CDC5L: variants seen among roughly 807,000 people sequenced by gnomAD.
CDC5L encodes cell division cycle 5-like protein.
A neutral mutation model predicts 104.1 loss-of-function variants in CDC5L; 18 were observed. The observed-to-expected ratio is 0.17, with a 90% CI of 0.12 to 0.26. CDC5L has a LOEUF of 0.26. Among genes scored for constraint, CDC5L ranks in the 10% least tolerant of loss-of-function variants. CDC5L has a pLI of 1.00. For synonymous variants in CDC5L, 331 were observed against 322.7 expected (o/e 1.03, Z -0.28); for missense variants, 673 against 956.9 (o/e 0.70, Z 3.91).
intron 6 of CDC5L, among the ~76,000 whole-genome samples, chr6:44,404,568 G>T (rs1432860777): frequency 6.6e-6 from 1 of 152,150 alleles, no homozygotes; most frequent in Non-Finnish European, 1.5e-5. Flanking sequence ...GAGTTGAAAT[G>T]CATGGCTCTC....
At chr6:44,390,792 A>G (rs1790553288) in intron 2 of CDC5L, among the ~76,000 whole-genome samples, 1 of 151,840 alleles carries the variant, frequency 6.6e-6, no homozygotes, top group South Asian at 2.1e-4. Flanking sequence ...AATAAATGAT[A>G]AATAATGGCT....
chr6:44,438,460 C>A (rs1404083754), intron 14 of CDC5L, among the ~76,000 whole-genome samples: 1 of 152,122 alleles, frequency 6.6e-6, no homozygotes, highest in Non-Finnish European at 1.5e-5. Flanking sequence ...GATCTGAGAC[C>A]ATTTAAATCA....
In CDC5L at chr6:44,448,667, TATC is replaced by T. The variant is rs1460424231; in HGVS notation, c.*1961_*1963del. ...CTGGGTTTTCTAGGAAAAACTTCAG[TATC>T]ATCAGTGAATAATGATAGTGTTTCT... On this transcript the variant is annotated 3_prime_UTR_variant, in exon 16 of 16. Transcript: ENST00000371477. The T allele has an allele frequency of 1.3e-5, 2 of 152,374 alleles. No individual in the cohort carries two copies. Among genetic ancestry groups the T allele is most frequent in the Middle Eastern group, 3.4e-3 (1 of 294 alleles). The allele number at this position is 152,374 out of a possible 1,614,324, so 9.4% of individuals were successfully genotyped here. A position where few individuals can be genotyped will look rare whatever the true frequency, so the allele number is the denominator to read the frequency against.
In CDC5L at chr6:44,447,182, G is replaced by T. The variant is rs1044658835; in HGVS notation, c.*471G>T. 2.0e-5 allele frequency: 3 copies of T among 152,152 alleles called. No homozygotes were observed. The highest frequency in any genetic ancestry group is 7.2e-5 in the African/African-American group (3 of 41,418). 9.4% of individuals were successfully genotyped at this position (152,152 alleles called of 1,614,324 possible). A position where few individuals can be genotyped will look rare whatever the true frequency, so the allele number is the denominator to read the frequency against. On this transcript the variant is annotated 3_prime_UTR_variant, in exon 16 of 16. Coordinates refer to ENST00000371477, the MANE Select transcript of CDC5L (RefSeq NM_001253.4). ...CAGTATCTTAAACACTTAAGAGGCA[G>T]TTCTTTGTGGCTTTGTTAGTTTCAG... is the stretch of plus-strand genomic sequence containing the variant.
chr6:44,439,735 G>A (rs982036256), intron 14 of CDC5L, among the ~76,000 whole-genome samples: 1 of 152,210 alleles, frequency 6.6e-6, no homozygotes, highest in Non-Finnish European at 1.5e-5. Context: ...CCTGACATTT[G>A]TTGACTGCTT....
intron 8 of CDC5L, among the ~76,000 whole-genome samples, chr6:44,417,579 C>T (rs1791961968): frequency 6.6e-6 from 1 of 152,042 alleles, no homozygotes; most frequent in Non-Finnish European, 1.5e-5. Context: ...AGGTTGTGAC[C>T]ATCTTTGGAA....
chr6:44,402,594 C>T (rs976012537), intron 5 of CDC5L, among the ~76,000 whole-genome samples: 2 of 152,076 alleles, frequency 1.3e-5, no homozygotes, highest in African/African-American at 4.8e-5. Context: ...CTTTTCTTAT[C>T]ACGAAATCAT....
chr6:44,419,002 A>G (rs1166039013), intron 8 of CDC5L, among the ~76,000 whole-genome samples: 1 of 151,920 alleles, frequency 6.6e-6, no homozygotes, highest in Non-Finnish European at 1.5e-5. Context: ...CTTTAGTTTA[A>G]TTAGATCCCA....
intron 8 of CDC5L, among the ~76,000 whole-genome samples, chr6:44,409,135 C>T (rs1319919616): frequency 6.6e-6 from 1 of 152,188 alleles, no homozygotes; most frequent in Non-Finnish European, 1.5e-5. Context: ...ATTTCCTCAT[C>T]TCTAATAGTC....
chr6:44,410,013 T>C (rs1019723821), intron 8 of CDC5L, among the ~76,000 whole-genome samples: 1 of 152,138 alleles, frequency 6.6e-6, no homozygotes. Flanking sequence ...TATGTATACC[T>C]TATGGAATGG....
intron 14 of CDC5L, among the ~76,000 whole-genome samples, chr6:44,440,242 C>CTT (rs770556481): frequency 1.1e-4 from 15 of 138,884 alleles, no homozygotes; most frequent in South Asian, 2.3e-4. Flanking sequence ...TTGACTTAGA[C>CTT]TTTTTTTTTT....
At position 44,429,874 on chromosome 6, in the gene CDC5L, A is replaced by G; in HGVS notation, c.2055A>G (p.Lys685=). 6.2e-7 allele frequency: 1 copy of G among 1,614,068 alleles called. No homozygotes were observed. The highest frequency in any genetic ancestry group is 1.1e-5 in the South Asian group (1 of 91,090). Residue 685 remains lysine (K), a synonymous_variant, in exon 14 of 16, where the codon AAA becomes AAG. Coordinates refer to ENST00000371477, the MANE Select transcript of CDC5L (RefSeq NM_001253.4). ...SRYTRANLAS[K]KDRIESLEKR... is the part of the protein sequence containing the mutation. Reference sequence around the variant, plus strand: ...ACACACGGGCCAATCTGGCTAGTAAAAAGGACAGAATTGAATCACTTGAAA... The same window carrying G: ...ACACACGGGCCAATCTGGCTAGTAAGAAGGACAGAATTGAATCACTTGAAA...
intron 14 of CDC5L, among the ~76,000 whole-genome samples, chr6:44,445,315 A>T (rs760125288): frequency 2.9e-4 from 44 of 152,198 alleles, no homozygotes; most frequent in Admixed American, 6.5e-5. Flanking sequence ...GCTTGCAGCT[A>T]GTCCCAAAAT....
chr6:44,435,297 A>G (rs138290372), intron 14 of CDC5L, among the ~76,000 whole-genome samples: 210 of 152,010 alleles, frequency 1.4e-3, no homozygotes, highest in Non-Finnish European at 2.4e-3. Flanking sequence ...GTTTTCTTAT[A>G]GTTTTATAGC....
At chr6:44,411,648 G>GTGTGTGTGTGTGTT (rs1791645895) in intron 8 of CDC5L, among the ~76,000 whole-genome samples, 1 of 151,314 alleles carries the variant, frequency 6.6e-6, no homozygotes, top group Admixed American at 6.6e-5. Context: ...GTGTGTGTGT[G>GTGTGTGTGTGTGTT]TGTGTGACTA....
intron 14 of CDC5L, among the ~76,000 whole-genome samples, chr6:44,442,375 T>TTG (rs149528659): frequency 0.12 from 16,744 of 144,948 alleles, 942 homozygotes; most frequent in South Asian, 0.2. Context: ...TGTGTGTATG[T>TTG]TGTGTGTGTG....
At chr6:44,396,485 T>C in intron 5 of CDC5L, 45 bp downstream of exon 5, 1 of 1,226,858 alleles carries the variant, frequency 8.2e-7, no homozygotes, top group Non-Finnish European at 1.2e-6. Context: ...TTTTCTCACA[T>C]AACAATCAAC....
At chr6:44,431,795 A>G (rs1028958649) in intron 14 of CDC5L, among the ~76,000 whole-genome samples, 1 of 152,058 alleles carries the variant, frequency 6.6e-6, no homozygotes, top group African/African-American at 2.4e-5. Flanking sequence ...GTTCTTTTGG[A>G]GATTTATTTG....
intron 1 of CDC5L, among the ~76,000 whole-genome samples, chr6:44,389,839 A>C (rs1331878205): frequency 3.3e-5 from 5 of 152,188 alleles, no homozygotes; most frequent in Non-Finnish European, 7.3e-5. Context: ...AGATGTTTCA[A>C]GGTAGATGTT....
Sources: allele counts gnomAD v4.1 joint callset (sites outside exome capture counted in the v4.1 genomes callset), GRCh38; gene constraint gnomAD v4.1.1; transcripts MANE v1.5; gene names NCBI Gene and HGNC (gene_info 2026-07-23, HGNC 2026-07-21).